ITGB5: variants seen among roughly 807,000 people sequenced by gnomAD.
ITGB5 encodes the protein integrin subunit beta 5.
In ITGB5, 38 loss-of-function variants were observed where a neutral mutation model predicts 84.8. The ratio of observed to expected loss-of-function variants is 0.45; its 90% CI spans 0.35 to 0.59. The LOEUF is 0.59. Ranked by LOEUF, ITGB5 falls within the 20% of genes least tolerant of loss-of-function variation. ITGB5 has a pLI of 0.01. For synonymous variants in ITGB5, 393 were observed against 414.4 expected, an observed-to-expected ratio of 0.95 and a Z score of 0.63; for missense variants, 905 against 1,034.5, an observed-to-expected ratio of 0.87 and a Z score of 1.72.
Position 124,841,242 on chromosome 3 carries a change from A to G in ITGB5, c.780+141T>C. On this transcript the variant is annotated intron_variant, in intron 5 of 14. Coordinates refer to ENST00000296181, the MANE Select transcript of ITGB5 (RefSeq NM_002213.5). ...CTGCTGTAGATTTCCCAGAAGTTCC[A>G]CTGAGCTCACCCTCTGACTTCAGAG... 8.2e-6 allele frequency: 6 copies of G among 730,804 alleles called. No homozygotes were observed. In the South Asian group the frequency reaches 1.2e-4, roughly 14 times the overall value. The allele number at this position is 730,804 out of a possible 1,614,324, so 45.3% of individuals were successfully genotyped here.
chr3:124,830,048 C>A (rs1338911935), intron 5 of ITGB5, among the ~76,000 whole-genome samples: 4 of 152,212 alleles, frequency 2.6e-5, no homozygotes, highest in Non-Finnish European at 5.9e-5. Context: ...TTGTTCACTT[C>A]CAACATCTGG....
chr3:124,833,572 T>G (rs747514020), intron 5 of ITGB5, among the ~76,000 whole-genome samples: 6 of 152,228 alleles, frequency 3.9e-5, no homozygotes, highest in Non-Finnish European at 5.9e-5. Flanking sequence ...CAAGTAATAG[T>G]ACTTCTGGTT....
upstream of ITGB5, among the ~76,000 whole-genome samples, chr3:124,888,551 G>A (rs1374724480): frequency 6.6e-6 from 1 of 152,182 alleles, no homozygotes; most frequent in Non-Finnish European, 1.5e-5. Flanking sequence ...ACCAAGTACA[G>A]AGAGCACACT....
chr3:124,781,914 G>T (rs534159281), intron 10 of ITGB5, among the ~76,000 whole-genome samples: 1 of 152,166 alleles, frequency 6.6e-6, no homozygotes, highest in Non-Finnish European at 1.5e-5. Flanking sequence ...CTGGCTGTGG[G>T]CAGCGGTCCA....
At chr3:124,888,075 C>G (rs1163486154), upstream of ITGB5, among the ~76,000 whole-genome samples, 1 of 151,908 alleles carries the variant, frequency 6.6e-6, no homozygotes, top group Non-Finnish European at 1.5e-5. Flanking sequence ...GCCACCACAC[C>G]CGGACAATTT....
chr3:124,807,941 CAAAAAAAAAAAAAAAAAAAAAA>C lies in ITGB5; in HGVS notation c.1263+1059_1263+1080del, dbSNP rs552552243. ...TGGGCGACAGAGCGAGACTTCATCT[CAAAAAAAAAAAAAAAAAAAAAA>C]AAAAAAAAAAAAAAAAAGAGGTATG... On this transcript the variant is annotated intron_variant, in intron 9 of 14. Coordinates refer to ENST00000296181, the MANE Select transcript of ITGB5 (RefSeq NM_002213.5). 4.7e-3 allele frequency among the ~76,000 whole-genome samples: 127 copies of C among 26,796 alleles called. 1 individual carries two copies. Among genetic ancestry groups the C allele is most frequent in the African/African-American group, 0.012 (106 of 8,740 alleles). 17.6% of individuals were successfully genotyped at this position (26,796 alleles called of 152,430 possible).
At chr3:124,806,359 C>T (rs1231171764) in intron 9 of ITGB5, among the ~76,000 whole-genome samples, 2 of 151,944 alleles carry the variant, frequency 1.3e-5, no homozygotes, top group African/African-American at 4.8e-5. Context: ...CCAAACATTC[C>T]ACCCACAGAT....
chr3:124,859,405 C>A lies in ITGB5; in HGVS notation c.198G>T (p.Leu66=). ...SPRSITSRCD[L]RANLVKNGCG... is the part of the protein sequence containing the mutation. ...AGCCATTTTTGACAAGGTTTGCCCT[C>A]AGATCACACCGAGAGGTGATGGACC... The change falls in exon 3 of 15, where the codon CTG becomes CTT. Residue 66 remains leucine (L), a synonymous_variant. Transcript: ENST00000296181. 1 of 1,614,172 alleles carries A rather than the reference C, an allele frequency of 6.2e-7. No homozygotes were observed. Among genetic ancestry groups the A allele is most frequent in the Middle Eastern group, 1.6e-4 (1 of 6,062 alleles).
At chr3:124,801,650 G>A (rs568980835) in intron 9 of ITGB5, among the ~76,000 whole-genome samples, 1 of 152,252 alleles carries the variant, frequency 6.6e-6, no homozygotes, top group African/African-American at 2.4e-5. Context: ...TTCTCCAGGG[G>A]AGTCCCCAGA....
chr3:124,859,485 A>T, intron 2 of ITGB5, 39 bp from the exon 3 acceptor site: 14 of 1,565,038 alleles, frequency 8.9e-6, no homozygotes, highest in Non-Finnish European at 1.2e-5. Flanking sequence ...GGAGGTGGTC[A>T]GGGTGTCTCC....
intron 3 of ITGB5, among the ~76,000 whole-genome samples, chr3:124,851,412 A>T (rs1246437093): frequency 1.3e-5 from 2 of 152,196 alleles, no homozygotes; most frequent in Non-Finnish European, 2.9e-5. Flanking sequence ...AAAAAGAGAG[A>T]CAGAAAATCC....
chr3:124,888,209 G>A (rs1358385413), upstream of ITGB5, among the ~76,000 whole-genome samples: 1 of 152,104 alleles, frequency 6.6e-6, no homozygotes, highest in Admixed American at 6.6e-5. Context: ...GAGCCACCGT[G>A]CCCGGCCCAC....
intron 10 of ITGB5, among the ~76,000 whole-genome samples, chr3:124,789,270 T>C (rs1213634984): frequency 6.6e-6 from 1 of 152,260 alleles, no homozygotes; most frequent in Non-Finnish European, 1.5e-5. Context: ...ACTGTTGCCA[T>C]GGCAGGTGTT....
chr3:124,767,475 G>C (rs2063783525), intron 12 of ITGB5, among the ~76,000 whole-genome samples: 1 of 152,216 alleles, frequency 6.6e-6, no homozygotes, highest in Non-Finnish European at 1.5e-5. Flanking sequence ...GGACTGGGTT[G>C]GGAAGCAGCT....
In ITGB5 at chr3:124,773,759, G is replaced by A. The variant is rs140023830; in HGVS notation, c.1847C>T (p.Thr616Met). ...CATCTCCCCAAAGGCCCCCGGCTCC[G>A]TGCATTGGCACTGCCCACAGAGACA... ...GHCLCGQCQC[T>M]EPGAFGEMCE... The change falls in exon 11 of 15, where the codon ACG becomes ATG. Residue 616 changes from threonine to methionine, a missense_variant. Coordinates refer to ENST00000296181, the MANE Select transcript of ITGB5 (RefSeq NM_002213.5). 2.1e-4 allele frequency: 344 copies of A among 1,613,236 alleles called. No individual in the cohort carries two copies. In the East Asian group the frequency reaches 3.7e-3, roughly 17 times the overall value.
chr3:124,808,968 A>C (rs1162560464), intron 9 of ITGB5, 54 bp downstream of exon 9: 1 of 1,579,450 alleles, frequency 6.3e-7, no homozygotes, highest in African/African-American at 1.4e-5. Context: ...TTAGAACCCA[A>C]AGACTGATGA....
At position 124,880,879 on chromosome 3, in the gene ITGB5, A is replaced by G. The variant is rs183803355; in HGVS notation, c.70+6052T>C. On this transcript the variant is annotated intron_variant, in intron 1 of 14. Transcript: ENST00000296181. Reference sequence around the variant, plus strand: ...AGGAGGCAGAGGTTGCAGTGAGTCAAGATCACACCACTGTACTCCAGCCTG... The same window carrying G: ...AGGAGGCAGAGGTTGCAGTGAGTCAGGATCACACCACTGTACTCCAGCCTG... 2.4e-3 allele frequency among the ~76,000 whole-genome samples: 372 copies of G among 152,242 alleles called. 7 individuals carry two copies. The South Asian group carries it at 0.037, about 15-fold the overall frequency.
intron 10 of ITGB5, among the ~76,000 whole-genome samples, chr3:124,775,346 G>A (rs1232695325): frequency 6.6e-6 from 1 of 152,006 alleles, no homozygotes; most frequent in Non-Finnish European, 1.5e-5. Context: ...GTGCAAGTGT[G>A]AGGGAGGATG....
Position 124,773,892 on chromosome 3 carries a change from C to G in ITGB5, c.1714G>C (p.Gly572Arg), listed in dbSNP as rs367590881. Residue 572 changes from glycine (G) to arginine (R), a missense_variant, in exon 11 of 15, where the codon GGG becomes CGG. Gly to Arg is a moderately radical substitution (Grantham distance 125). This residue lies in a region of ITGB5 where 656 missense variants were observed against 734.7 expected (regional missense o/e 0.89). Coordinates refer to ENST00000296181, the MANE Select transcript of ITGB5 (RefSeq NM_002213.5). ...LCSGHGECHC[G>R]ECKCHAGYIG... ...TAACCTGCATGGCACTTGCATTCCC[C>G]GCAGTGACACTCGCCATGGCCTAAA... The G allele has an allele frequency of 6.2e-7, 1 of 1,614,182 alleles. No individual in the cohort carries two copies. Among genetic ancestry groups the G allele is most frequent in the South Asian group, 1.1e-5 (1 of 91,088 alleles).
Sources: allele counts gnomAD v4.1 joint callset (sites outside exome capture counted in the v4.1 genomes callset), GRCh38; gene constraint gnomAD v4.1.1; regional missense constraint gnomAD v4.1.1; transcripts MANE v1.5; gene names NCBI Gene and HGNC (gene_info 2026-07-23, HGNC 2026-07-21).